The following ARHGAP44 variants were observed in gnomAD, a reference collection of about 807,000 sequenced individuals.
The protein encoded by ARHGAP44 is rho GTPase-activating protein 44.
ARHGAP44 carries 43 observed loss-of-function variants against 106.8 expected under a neutral mutation model. That is an observed-to-expected ratio of 0.40 (90% confidence interval 0.32 to 0.52). The LOEUF is 0.52. Ranked by LOEUF, ARHGAP44 falls within the 20% of genes least tolerant of loss-of-function variation. ARHGAP44 has a pLI of 0.48. For missense variants in ARHGAP44, 866 were observed against 1,050.5 expected (o/e 0.82, Z 2.43); for synonymous variants, 439 against 410.3 (o/e 1.07, Z -0.85).
intron 18 of ARHGAP44, among the ~76,000 whole-genome samples, chr17:12,977,978 C>A (rs1388535378): frequency 7.4e-6 from 1 of 135,188 alleles, no homozygotes; most frequent in African/African-American, 2.8e-5. Flanking sequence ...GCAGAGATGA[C>A]AGTGAGCTGA....
chr17:12,847,259 TCAAA>T lies in ARHGAP44; in HGVS notation c.54-47678_54-47675del, dbSNP rs56218414. On this transcript the variant is annotated intron_variant, in intron 1 of 20. Transcript: ENST00000379672. ...TCTACAAAGTGGAGGTTACATTGTT[TCAAA>T]CAGTTTCCCCAGTATGTTAATGCTT... Among the ~76,000 whole-genome samples, 1,390 of 152,326 alleles carry T rather than the reference TCAAA, an allele frequency of 9.1e-3. 12 individuals carry two copies. The highest frequency in any genetic ancestry group is 0.014 in the Non-Finnish European group (978 of 68,026).
intron 1 of ARHGAP44, among the ~76,000 whole-genome samples, chr17:12,842,315 G>C (rs1322009584): frequency 4.6e-5 from 7 of 151,210 alleles, no homozygotes; most frequent in Non-Finnish European, 8.8e-5. Context: ...TACTCAGGAG[G>C]CTAAGATGGC....
chr17:12,822,489 G>A (rs1225073521), intron 1 of ARHGAP44, among the ~76,000 whole-genome samples: 1 of 152,044 alleles, frequency 6.6e-6, no homozygotes, highest in Non-Finnish European at 1.5e-5. Context: ...GATACCTCAG[G>A]GAGTTCAATG....
rs2040100471 is a variant in ARHGAP44 at position 12,990,386 on chromosome 17, G to A, written c.*215G>A. On this transcript the variant is annotated 3_prime_UTR_variant, in exon 21 of 21. Transcript: ENST00000379672. ...TTTGTTCCTTTCGGGTGGTGACTTCGGCCTTTTGTTTGACCTTTGCCTTTT... is the reference window on the plus strand; with the variant it reads ...TTTGTTCCTTTCGGGTGGTGACTTCAGCCTTTTGTTTGACCTTTGCCTTTT... 6 of 585,274 alleles carry A rather than the reference G, an allele frequency of 1.0e-5. No homozygotes were observed. The highest frequency in any genetic ancestry group is 1.0e-3 in the Middle Eastern group (2 of 2,008). 36.3% of individuals were successfully genotyped at this position (585,274 alleles called of 1,614,324 possible).
At chr17:12,989,895 T>C in intron 20 of ARHGAP44, 137 bp from the exon 21 acceptor site, 1 of 1,329,876 alleles carries the variant, frequency 7.5e-7, no homozygotes, top group South Asian at 1.4e-5. Flanking sequence ...AACACAATGC[T>C]TAAACCAACC....
chr17:12,870,769 A>G (rs912161890), intron 1 of ARHGAP44, among the ~76,000 whole-genome samples: 2 of 152,170 alleles, frequency 1.3e-5, no homozygotes, highest in African/African-American at 2.4e-5. Context: ...TTTTGGTTCC[A>G]TTATACCACC....
intron 1 of ARHGAP44, among the ~76,000 whole-genome samples, chr17:12,810,628 A>G (rs1344924485): frequency 1.3e-5 from 2 of 152,122 alleles, no homozygotes; most frequent in Non-Finnish European, 2.9e-5. Flanking sequence ...ATGGGATGAG[A>G]TCTCTGGACA....
intron 3 of ARHGAP44, among the ~76,000 whole-genome samples, chr17:12,902,640 C>A (rs1010757666): frequency 6.6e-6 from 1 of 152,158 alleles, no homozygotes; most frequent in East Asian, 1.9e-4. Context: ...GCCTACCACA[C>A]TAGCATGCCC....
chr17:12,831,385 G>A (rs2035083946), intron 1 of ARHGAP44, among the ~76,000 whole-genome samples: 2 of 152,172 alleles, frequency 1.3e-5, no homozygotes, highest in Admixed American at 1.3e-4. Context: ...AGTGGTAGGG[G>A]CAGTTTAATG....
chr17:12,793,536 C>T (rs541216527), intron 1 of ARHGAP44, among the ~76,000 whole-genome samples: 9 of 152,236 alleles, frequency 5.9e-5, no homozygotes, highest in East Asian at 1.9e-4. Flanking sequence ...GGCGAAACCC[C>T]GTCTCTACTA....
chr17:12,965,157 G>C (rs79382181), intron 16 of ARHGAP44, among the ~76,000 whole-genome samples: 15,273 of 152,102 alleles, frequency 0.1, 893 homozygotes, highest in South Asian at 0.2. Context: ...CCATCAAAAC[G>C]TCCTTGGATC....
chr17:12,832,439 G>T (rs1429614604), intron 1 of ARHGAP44, among the ~76,000 whole-genome samples: 1 of 152,124 alleles, frequency 6.6e-6, no homozygotes, highest in Non-Finnish European at 1.5e-5. Flanking sequence ...AGTATTATCT[G>T]TAGGAGCAAC....
chr17:12,930,457 T>C (rs910901806), intron 7 of ARHGAP44, among the ~76,000 whole-genome samples: 1 of 152,202 alleles, frequency 6.6e-6, no homozygotes, highest in South Asian at 2.1e-4. Context: ...AGGCTGGTCA[T>C]GAACTCCTGA....
chr17:12,933,546 A>G (rs189424135), intron 7 of ARHGAP44, among the ~76,000 whole-genome samples: 8 of 152,320 alleles, frequency 5.3e-5, no homozygotes, highest in African/African-American at 1.7e-4. Context: ...CACAAGTGGT[A>G]CTTGCTTTCT....
Position 12,843,094 on chromosome 17 carries a change from A to AGTGCGCCGATCAGGGC in ARHGAP44, c.54-51845_54-51844insTGCGCCGATCAGGGCG, listed in dbSNP as rs1210670622. ...ATTGTCAGCAACGGCCTATGGTGGA[A>AGTGCGCCGATCAGGGC]GCCTTGTGTAAATAAATGCTGTGCC... On this transcript the variant is annotated intron_variant, in intron 1 of 20. Coordinates refer to ENST00000379672, the MANE Select transcript of ARHGAP44 (RefSeq NM_014859.6). Among the ~76,000 whole-genome samples the AGTGCGCCGATCAGGGC allele has an allele frequency of 1.8e-3, 274 of 152,308 alleles. 5 individuals are homozygous for AGTGCGCCGATCAGGGC. Among genetic ancestry groups the AGTGCGCCGATCAGGGC allele is most frequent in the East Asian group, 3.7e-3 (19 of 5,184 alleles).
chr17:12,987,107 G>A (rs974600051), intron 20 of ARHGAP44: 7 of 1,532,826 alleles, frequency 4.6e-6, no homozygotes, highest in Non-Finnish European at 5.2e-6. Context: ...GCAGCTGTGT[G>A]ACATGAGTGG....
intron 20 of ARHGAP44, chr17:12,988,095 C>G (rs1215323080): frequency 6.6e-6 from 1 of 152,232 alleles, no homozygotes; most frequent in East Asian, 1.9e-4. Flanking sequence ...CAAGCAGCCA[C>G]TGTGTCCCTT....
At chr17:12,936,929 T>C (rs2038565236) in intron 7 of ARHGAP44, among the ~76,000 whole-genome samples, 1 of 152,330 alleles carries the variant, frequency 6.6e-6, no homozygotes, top group South Asian at 2.1e-4. Flanking sequence ...TGCCTTTTAC[T>C]GTGTTTGTAA....
rs531474162 is a variant in ARHGAP44 at position 12,805,642 on chromosome 17, G to A, written c.53+15751G>A. Among the ~76,000 whole-genome samples, 3 of 152,328 alleles carry A rather than the reference G, an allele frequency of 2.0e-5. No individual in the cohort carries two copies. The South Asian group carries it at 6.2e-4, about 32-fold the overall frequency. ...ATGCTAAGAGGAGTATGTAAGACAT[G>A]GCAGCTTATTGAGTACAGATGGTCC... On this transcript the variant is annotated intron_variant, in intron 1 of 20. Transcript: ENST00000379672.
Sources: allele counts gnomAD v4.1 joint callset (sites outside exome capture counted in the v4.1 genomes callset), GRCh38; gene constraint gnomAD v4.1.1; transcripts MANE v1.5; gene names NCBI Gene and HGNC (gene_info 2026-07-23, HGNC 2026-07-21).